The following APOB variants were observed in gnomAD, a reference collection of about 807,000 sequenced individuals.
The protein encoded by APOB is apolipoprotein B-100.
APOB carries 153 observed loss-of-function variants against 314.1 expected under a neutral mutation model. That is an observed-to-expected ratio of 0.49 (90% CI 0.43 to 0.56). The LOEUF (loss-of-function observed/expected upper bound fraction) is 0.56, where lower values mean the gene tolerates loss of function less well. APOB is among the 20% of genes least tolerant of loss of function. APOB has a pLI of 0.00. For missense variants in APOB, 5,430 were observed against 5,350.7 expected, an observed-to-expected ratio of 1.01 and a Z score of -0.46; for synonymous variants, 2,087 against 2,036.4, an observed-to-expected ratio of 1.02 and a Z score of -0.67.
Position 21,006,685 on chromosome 2 carries a change from A to T in APOB, c.10183T>A (p.Leu3395Ile). 6.2e-7 allele frequency: 1 copy of T among 1,614,102 alleles called. No homozygotes were observed. Among genetic ancestry groups the T allele is most frequent in the Non-Finnish European group, 8.5e-7 (1 of 1,179,976 alleles). The change falls in exon 26 of 29, where the codon TTA becomes ATA. Residue 3395 changes from leucine to isoleucine, a missense_variant. By Grantham distance (5) the Leu-to-Ile change is conservative (BLOSUM62 2). Transcript: ENST00000233242. ...TRLTRKRGLK[L>I]ATALSLSNKF... ...TTGCTCAGAGACAGAGCTGTGGCTA[A>T]CTTCAATCCCCTTTTTCTTGTCAAT...
chr2:21,026,930 A>G lies in APOB; in HGVS notation c.2102T>C (p.Leu701Ser). 1 of 1,614,202 alleles carries G rather than the reference A, an allele frequency of 6.2e-7. No homozygotes were observed. Among genetic ancestry groups the G allele is most frequent in the Non-Finnish European group, 8.5e-7 (1 of 1,180,040 alleles). Residue 701 changes from leucine (L) to serine (S), a missense_variant, in exon 15 of 29, where the codon TTG (leucine) becomes TCG (serine). Physicochemically the swap from Leu to Ser is moderately radical, Grantham distance 145 (BLOSUM62 -2). Around this residue, in one of 3 missense-constraint regions of APOB, gnomAD observed 2,085 missense variants for 2,079.7 expected, o/e 1.00. Transcript: ENST00000233242. ...GLEGKGFEPT[L>S]EALFGKQGFF... ...TCCTTGCTTCCCAAAAAGAGCTTCC[A>G]ATGTTGGCTCAAAGCCTTTTCCTTC...
chr2:21,006,470 A>G lies in APOB; in HGVS notation c.10398T>C (p.Ser3466=), dbSNP rs1572778616. ...SSMEFKYDFN[S]SMLYSTAKGA... is the part of the protein sequence containing the mutation. ...CTTTAGCGGTAGAGTACAGCATTGA[A>G]GAATTGAAATCATACTTAAATTCCA... is the stretch of plus-strand genomic sequence containing the variant. The change falls in exon 26 of 29, where the codon TCT becomes TCC. Residue 3466 remains serine, a synonymous_variant. Coordinates refer to ENST00000233242, the MANE Select transcript of APOB (RefSeq NM_000384.3). The G allele has an allele frequency of 6.2e-7, 1 of 1,614,142 alleles. No individual in the cohort carries two copies.
Position 21,007,980 on chromosome 2 carries a change from A to G in APOB, c.8888T>C (p.Ile2963Thr). Residue 2963 changes from isoleucine to threonine, a missense_variant, in exon 26 of 29, where the codon ATC (isoleucine) becomes ACC (threonine). By Grantham distance (89) the Ile-to-Thr change is moderately conservative. Around this residue, in one of 3 missense-constraint regions of APOB, gnomAD observed 3,281 missense variants for 3,171.0 expected, o/e 1.03. Coordinates refer to ENST00000233242, the MANE Select transcript of APOB (RefSeq NM_000384.3). ...GTTTACTCTTAGGTGTTTGCTATTG[A>G]TCTTATTGGACAGTCCAAAGGAAGT... ...PLTSFGLSNK[I>T]NSKHLRVNQN... 6.2e-7 allele frequency: 1 copy of G among 1,614,062 alleles called. No individual in the cohort carries two copies. The highest frequency in any genetic ancestry group is 2.2e-5 in the East Asian group (1 of 44,876).
At chr2:21,028,971 G>A (rs1286367907) in intron 12 of APOB, among the ~76,000 whole-genome samples, 1 of 152,196 alleles carries the variant, frequency 6.6e-6, no homozygotes, top group Non-Finnish European at 1.5e-5. Context: ...CCTAGCCTAA[G>A]CTTATTGGGG....
At position 21,013,219 on chromosome 2, in the gene APOB, C is replaced by T. The variant is rs145007060; in HGVS notation, c.4157G>A (p.Arg1386Gln). 85 of 1,614,122 alleles carry T rather than the reference C, an allele frequency of 5.3e-5. No homozygotes were observed. The East Asian group carries it at 1.3e-3, about 24-fold the overall frequency. ...GNTSTDHFSL[R>Q]ARYHMKADSV... ...GTCAGCCTTCATGTGGTAACGAGCC[C>T]GAAGGCTGAAATGGTCTGTGCTGGT... The change falls in exon 25 of 29, where the codon CGG becomes CAG. Residue 1386 changes from arginine to glutamine, a missense_variant. Coordinates refer to ENST00000233242, the MANE Select transcript of APOB (RefSeq NM_000384.3).
At chr2:21,031,841 C>T (rs1663890014) in intron 10 of APOB, among the ~76,000 whole-genome samples, 1 of 151,670 alleles carries the variant, frequency 6.6e-6, no homozygotes, top group Non-Finnish European at 1.5e-5. Flanking sequence ...CACAGTGAGA[C>T]CATCTCAAAA....
Position 21,007,972 on chromosome 2 carries a change from T to C in APOB, c.8896A>G (p.Lys2966Glu). The C allele has an allele frequency of 1.2e-6, 2 of 1,614,070 alleles. No homozygotes were observed. The highest frequency in any genetic ancestry group is 1.7e-6 in the Non-Finnish European group (2 of 1,179,944). ...AAGTTTTGGTTTACTCTTAGGTGTT[T>C]GCTATTGATCTTATTGGACAGTCCA... ...SFGLSNKINS[K>E]HLRVNQNLVY... The change falls in exon 26 of 29, where the codon AAA becomes GAA. Residue 2966 changes from lysine to glutamate, a missense_variant. Coordinates refer to ENST00000233242, the MANE Select transcript of APOB (RefSeq NM_000384.3).
chr2:21,023,409 C>T, intron 17 of APOB, 116 bp downstream of exon 17: 1 of 1,250,912 alleles, frequency 8.0e-7, no homozygotes, highest in Non-Finnish European at 1.2e-6. Flanking sequence ...GAGGTGATTA[C>T]AATGATGAAG....
chr2:21,009,426 A>G lies in APOB; in HGVS notation c.7442T>C (p.Leu2481Pro). The change falls in exon 26 of 29, where the codon CTG becomes CCG. Residue 2481 changes from leucine (L) to proline (P), a missense_variant. Leu to Pro is a moderately conservative substitution (Grantham distance 98, BLOSUM62 -3). Transcript: ENST00000233242. ...EETKATVAVY[L>P]ESLQDTKITL... is the part of the protein sequence containing the mutation. Reference sequence around the variant, plus strand: ...TATTTTGGTGTCCTGTAGGCTTTCCAGATACACTGCAACTGTGGCCTTGGT... The same window carrying G: ...TATTTTGGTGTCCTGTAGGCTTTCCGGATACACTGCAACTGTGGCCTTGGT... The G allele has an allele frequency of 6.2e-7, 1 of 1,614,090 alleles. No individual in the cohort carries two copies. Among genetic ancestry groups the G allele is most frequent in the Non-Finnish European group, 8.5e-7 (1 of 1,179,966 alleles).
In APOB at chr2:21,001,784, T is replaced by C. The variant is rs777726812; in HGVS notation, c.13638A>G (p.Thr4546=). The C allele has an allele frequency of 6.2e-7, 1 of 1,613,930 alleles. No homozygotes were observed. The highest frequency in any genetic ancestry group is 1.3e-5 in the African/African-American group (1 of 74,920). ...CAAGCTTCATGTAGGGGTTCATGAC[T>C]GTGGTTGATTGCAGCTTTTTCAGTA... ...TELLKKLQST[T]VMNPYMKLAP... The change falls in exon 29 of 29, where the codon ACA becomes ACG. Residue 4546 remains threonine (T), a synonymous_variant. Transcript: ENST00000233242.
chr2:21,007,726 C>A lies in APOB; in HGVS notation c.9142G>T (p.Ala3048Ser), dbSNP rs770023507. The A allele has an allele frequency of 1.2e-6, 2 of 1,613,966 alleles. No individual in the cohort carries two copies. The highest frequency in any genetic ancestry group is 2.7e-5 in the African/African-American group (2 of 74,910). Residue 3048 changes from alanine to serine, a missense_variant, in exon 26 of 29, where the codon GCA (alanine) becomes TCA (serine). Around this residue, in one of 3 missense-constraint regions of APOB, gnomAD observed 3,281 missense variants for 3,171.0 expected, o/e 1.03. Transcript: ENST00000233242. ...AAATTCCCTTCATTGTTTGTGGATG[C>A]CGTGATCTCAAATGGCTGGGCTGAA... ...FFSAQPFEIT[A>S]STNNEGNLKV... is the part of the protein sequence containing the mutation.
chr2:21,033,505 C>T lies in APOB; in HGVS notation c.918G>A (p.Met306Ile), dbSNP rs1663930955. 1.2e-6 allele frequency: 2 copies of T among 1,614,092 alleles called. No homozygotes were observed. Among genetic ancestry groups the T allele is most frequent in the Middle Eastern group, 1.6e-4 (1 of 6,062 alleles). ...SRFFGEGTKKMGLAFESTKST... is the reference protein window; with the variant it reads ...SRFFGEGTKKIGLAFESTKST... ...ATTTGGTGCTCTCAAATGCGAGGCC[C>T]ATCTTCTTAGTACCTGGAAGATGGA... is the stretch of plus-strand genomic sequence containing the variant. Residue 306 changes from methionine (M) to isoleucine (I), a missense_variant, in exon 9 of 29, where the codon ATG becomes ATA. This residue lies in a region of APOB where 2,085 missense variants were observed against 2,079.7 expected (regional missense o/e 1.00). Transcript: ENST00000233242.
intron 24 of APOB, 76 bp from the exon 25 acceptor site, chr2:21,013,609 A>G (rs1663391565): frequency 6.3e-7 from 1 of 1,595,320 alleles, no homozygotes; most frequent in Non-Finnish European, 8.6e-7. Context: ...TGACCTTCAC[A>G]ACAATATTGT....
At chr2:21,014,934 T>A (rs1663425549) in intron 23 of APOB, 139 bp downstream of exon 23, 1 of 943,160 alleles carries the variant, frequency 1.1e-6, no homozygotes, top group East Asian at 2.5e-5. Flanking sequence ...TGAAAGTTTT[T>A]TTTTCTCCCC....
rs12713843 is a variant in APOB at position 21,015,495 on chromosome 2, C to T, written c.3383G>A (p.Arg1128His). The change falls in exon 22 of 29, where the codon CGT (arginine) becomes CAT (histidine). Residue 1128 changes from arginine to histidine, a missense_variant. By Grantham distance (29) the Arg-to-His change is conservative (BLOSUM62 0). Around this residue, in one of 3 missense-constraint regions of APOB, gnomAD observed 2,085 missense variants for 2,079.7 expected, o/e 1.00. Transcript: ENST00000233242. ...CTCACTTCTGGCTTCTGCTTGCAAA[C>T]GGGGTATGGAAATAACACCCTTGAT... ...RKIKGVISIP[R>H]LQAEARSEIL... 4.5e-3 allele frequency: 7,337 copies of T among 1,614,006 alleles called. 28 individuals carry two copies. The highest frequency in any genetic ancestry group is 6.4e-3 in the Middle Eastern group (39 of 6,062).
At position 21,013,214 on chromosome 2, in the gene APOB, G is replaced by C. The variant is rs267599185; in HGVS notation, c.4162C>G (p.Arg1388Gly). The change falls in exon 25 of 29, where the codon CGT becomes GGT. Residue 1388 changes from arginine to glycine, a missense_variant. By Grantham distance (125) the Arg-to-Gly change is moderately radical (BLOSUM62 -2). Around this residue, in one of 3 missense-constraint regions of APOB, gnomAD observed 2,085 missense variants for 2,079.7 expected, o/e 1.00. Coordinates refer to ENST00000233242, the MANE Select transcript of APOB (RefSeq NM_000384.3). ...TSTDHFSLRARYHMKADSVVD... is the reference protein window; with the variant it reads ...TSTDHFSLRAGYHMKADSVVD... ...ACAGAGTCAGCCTTCATGTGGTAAC[G>C]AGCCCGAAGGCTGAAATGGTCTGTG... is the stretch of plus-strand genomic sequence containing the variant. The C allele has an allele frequency of 2.5e-6, 4 of 1,614,066 alleles. No homozygotes were observed. Among genetic ancestry groups the C allele is most frequent in the Admixed American group, 3.3e-5 (2 of 60,006 alleles).
rs200034452 is a variant in APOB at position 21,009,774 on chromosome 2, G to A, written c.7094C>T (p.Ala2365Val). Residue 2365 changes from alanine (A) to valine (V), a missense_variant, in exon 26 of 29, where the codon GCC (alanine) becomes GTC (valine). By Grantham distance (64) the Ala-to-Val change is moderately conservative (BLOSUM62 0). Around this residue, in one of 3 missense-constraint regions of APOB, gnomAD observed 3,281 missense variants for 3,171.0 expected, o/e 1.03. Coordinates refer to ENST00000233242, the MANE Select transcript of APOB (RefSeq NM_000384.3). Reference protein sequence around the residue: ...QVLMDKLVELAHQYKLKETIQ... With the variant: ...QVLMDKLVELVHQYKLKETIQ... ...AGTCTCCTTCAACTTGTATTGGTGG[G>A]CCAACTCTACTAATTTATCCATTAA... is the stretch of plus-strand genomic sequence containing the variant. 4.1e-5 allele frequency: 66 copies of A among 1,613,886 alleles called. 1 individual carries two copies. Among genetic ancestry groups the A allele is most frequent in the Middle Eastern group, 3.3e-4 (2 of 6,060 alleles).
chr2:21,033,641 T>C (rs1033150356), intron 8 of APOB, 123 bp from the exon 9 acceptor site: 2 of 821,870 alleles, frequency 2.4e-6, no homozygotes, highest in Non-Finnish European at 4.2e-6. Flanking sequence ...CTATCCTGTA[T>C]TCAATGCCTG....
Position 21,011,581 on chromosome 2 carries a change from A to G in APOB, c.5287T>C (p.Ser1763Pro), listed in dbSNP as rs1663321916. The G allele has an allele frequency of 6.2e-7, 1 of 1,614,232 alleles. No homozygotes were observed. The highest frequency in any genetic ancestry group is 8.5e-7 in the Non-Finnish European group (1 of 1,180,024). ...HTNSLNIAGL[S>P]LDFSSKLDNI... is the part of the protein sequence containing the mutation. ...TCAAGTTTTGAAGAGAAGTCCAGTGATAAGCCTGCAATGTTCAGACTGTTT... is the reference window on the plus strand; with the variant it reads ...TCAAGTTTTGAAGAGAAGTCCAGTGGTAAGCCTGCAATGTTCAGACTGTTT... The change falls in exon 26 of 29, where the codon TCA becomes CCA. Residue 1763 changes from serine to proline, a missense_variant. By Grantham distance (74) the Ser-to-Pro change is moderately conservative. Around this residue, in one of 3 missense-constraint regions of APOB, gnomAD observed 64 missense variants for 99.9 expected, o/e 0.64. Coordinates refer to ENST00000233242, the MANE Select transcript of APOB (RefSeq NM_000384.3).
Sources: gnomAD v4.1 joint callset for allele counts (sites outside exome capture counted in the v4.1 genomes callset) on GRCh38, gnomAD v4.1.1 for gene constraint, gnomAD v4.1.1 regional missense constraint, MANE v1.5 for transcripts, NCBI Gene and HGNC (gene_info 2026-07-23, HGNC 2026-07-21) for gene names.